PPP2R1A: variants seen among roughly 807,000 people sequenced by gnomAD.
PPP2R1A encodes the protein serine/threonine-protein phosphatase 2A 65 kDa regulatory subunit A alpha isoform.
Under a neutral mutation model 67.1 loss-of-function variants are expected in PPP2R1A, and 15 were observed. That is an observed-to-expected ratio of 0.22 (90% CI 0.15 to 0.34). The LOEUF (loss-of-function observed/expected upper bound fraction) is 0.34. Ranked by LOEUF, PPP2R1A falls within the 10% of genes least tolerant of loss-of-function variation. The pLI is 1.00. For missense variants in PPP2R1A, 369 were observed against 775.0 expected (o/e 0.48, Z 6.22); for synonymous variants, 337 against 325.0 (o/e 1.04, Z -0.40).
intron 1 of PPP2R1A, among the ~76,000 whole-genome samples, chr19:52,200,018 G>A (rs1276908605): frequency 6.6e-6 from 1 of 152,198 alleles, no homozygotes; most frequent in Non-Finnish European, 1.5e-5. Context: ...TGATCGCAGA[G>A]ATATTCTTCA....
chr19:52,215,925 G>C, intron 7 of PPP2R1A, 32 bp downstream of exon 7: 1 of 1,612,380 alleles, frequency 6.2e-7, no homozygotes, highest in Admixed American at 1.7e-5. Context: ...ACAGCAAGTG[G>C]GGTGGGTATC....
intron 6 of PPP2R1A, among the ~76,000 whole-genome samples, chr19:52,214,610 C>T (rs1273044424): frequency 6.6e-6 from 1 of 152,138 alleles, no homozygotes; most frequent in East Asian, 1.9e-4. Context: ...TTGTTCATTC[C>T]CGTCTTCATA....
In PPP2R1A at chr19:52,213,637, G is replaced by A. The variant is rs1250807706; in HGVS notation, c.807+527G>A. On this transcript the variant is annotated intron_variant, in intron 6 of 14. Coordinates refer to ENST00000322088, the MANE Select transcript of PPP2R1A (RefSeq NM_014225.6). This position sits in a 1 kb window ranked among gnomAD's most constrained non-coding sequence, Gnocchi z 4.2. ...GACTGGGATTACAGATGCCCACCAC[G>A]ACACCCGGCTAGTTTTTGTATTTTT... 1.3e-5 allele frequency among the ~76,000 whole-genome samples: 2 copies of A among 151,456 alleles called. No individual in the cohort carries two copies. Among genetic ancestry groups the A allele is most frequent in the Admixed American group, 6.6e-5 (1 of 15,140 alleles).
rs1260489785 is a variant in PPP2R1A at position 52,227,908 on chromosome 19, A to G, written c.*1927A>G. 1.3e-5 allele frequency: 2 copies of G among 152,176 alleles called. No homozygotes were observed. Among genetic ancestry groups the G allele is most frequent in the Non-Finnish European group, 1.5e-5 (1 of 68,030 alleles). 9.4% of individuals were successfully genotyped at this position (152,176 alleles called of 1,614,324 possible). On this transcript the variant is annotated 3_prime_UTR_variant, in exon 15 of 15. Transcript: ENST00000322088. ...AGTGCAGTGGACCAGCAGCCTTTGC[A>G]TTCTCAGGAGCTTGTTAGAAATGCA...
At chr19:52,203,033 A>T (rs10426412) in intron 2 of PPP2R1A, among the ~76,000 whole-genome samples, 2,151 of 152,316 alleles carry the variant, frequency 0.014, 52 homozygotes, top group African/African-American at 0.05. Flanking sequence ...CATATTTTAT[A>T]CTTATTACCA....
Position 52,202,947 on chromosome 19 carries a change from T to C in PPP2R1A, c.169+913T>C, listed in dbSNP as rs151253005. Among the ~76,000 whole-genome samples, 231 of 152,368 alleles carry C rather than the reference T, an allele frequency of 1.5e-3. 2 individuals are homozygous for C. Among genetic ancestry groups the C allele is most frequent in the African/African-American group, 5.3e-3 (220 of 41,580 alleles). ...TGTTTGTGAGGATGTAGGTAAAGCA[T>C]TTAATACACTGTCTGACACAGACTG... On this transcript the variant is annotated intron_variant, in intron 2 of 14. Transcript: ENST00000322088.
chr19:52,209,363 T>G (rs1600165771), intron 3 of PPP2R1A, among the ~76,000 whole-genome samples: 1 of 152,316 alleles, frequency 6.6e-6, no homozygotes, highest in South Asian at 2.1e-4. Flanking sequence ...ACTCCCATGA[T>G]ACTGTCCTGA....
Position 52,190,159 on chromosome 19 carries a change from C to T in PPP2R1A, c.63C>T (p.Arg21=), listed in dbSNP as rs748072590. 1 of 1,550,964 alleles carries T rather than the reference C, an allele frequency of 6.4e-7. No homozygotes were observed. The highest frequency in any genetic ancestry group is 1.4e-5 in the African/African-American group (1 of 73,104). Reference sequence around the variant, plus strand: ...TCGCGGTGCTCATAGACGAACTCCGCAATGAGGACGTTCAGGTCCGGAGGC... The same window carrying T: ...TCGCGGTGCTCATAGACGAACTCCGTAATGAGGACGTTCAGGTCCGGAGGC... ...YPIAVLIDEL[R]NEDVQLRLNS... The change falls in exon 1 of 15, where the codon CGC becomes CGT. Residue 21 remains arginine (R), a synonymous_variant. Coordinates refer to ENST00000322088, the MANE Select transcript of PPP2R1A (RefSeq NM_014225.6).
chr19:52,202,051 C>T lies in PPP2R1A; in HGVS notation c.169+17C>T, dbSNP rs1421549263. 1.9e-6 allele frequency: 3 copies of T among 1,608,134 alleles called. No individual in the cohort carries two copies. In the Admixed American group the frequency reaches 5.0e-5, roughly 27 times the overall value. ...TCCTTACAGGTAACAAAGGGGACCCCTGGGGCCCAGATGTGGGGACTCTTG... is the reference window on the plus strand; with the variant it reads ...TCCTTACAGGTAACAAAGGGGACCCTTGGGGCCCAGATGTGGGGACTCTTG... On this transcript the variant is annotated intron_variant, in intron 2 of 14. Coordinates refer to ENST00000322088, the MANE Select transcript of PPP2R1A (RefSeq NM_014225.6).
Position 52,226,416 on chromosome 19 carries a change from G to A in PPP2R1A, c.*435G>A, listed in dbSNP as rs1568601420. On this transcript the variant is annotated 3_prime_UTR_variant, in exon 15 of 15. Transcript: ENST00000322088. The stretch of plus-strand genomic sequence containing the variant: ...TTCACAGAGAAATAAAGGTCTAGAA[G>A]TAGTTGGTCCTCTGGCCTTAGTCAT... The A allele has an allele frequency of 1.4e-5, 4 of 277,868 alleles. No individual in the cohort carries two copies. Among genetic ancestry groups the A allele is most frequent in the Non-Finnish European group, 2.1e-5 (3 of 146,144 alleles). The allele number at this position is 277,868 out of a possible 1,614,324, so 17.2% of individuals were successfully genotyped here.
chr19:52,195,825 T>C (rs576944309), intron 1 of PPP2R1A, among the ~76,000 whole-genome samples: 1 of 152,290 alleles, frequency 6.6e-6, no homozygotes, highest in East Asian at 1.9e-4. Context: ...TGTTCGGCTA[T>C]GTTGAAGTTC....
intron 3 of PPP2R1A, 28 bp downstream of exon 3, chr19:52,206,091 C>T (rs375909753): frequency 4.2e-5 from 67 of 1,597,354 alleles, no homozygotes; most frequent in Non-Finnish European, 5.1e-5. Flanking sequence ...AGTCCTCTTG[C>T]CCACCCCTTA....
Position 52,216,511 on chromosome 19 carries a change from G to C in PPP2R1A, c.994-18G>C, listed in dbSNP as rs1180531587. ...AGGGGTTGCACTGACCCCTGTGCCT[G>C]CCTCTTCTCTCTCCCAGGAGCTGGT... On this transcript the variant is annotated intron_variant, in intron 8 of 14. Coordinates refer to ENST00000322088, the MANE Select transcript of PPP2R1A (RefSeq NM_014225.6). The surrounding 1 kb of genome is among the most constrained non-coding windows in gnomAD (Gnocchi z 4.3). The C allele has an allele frequency of 6.2e-7, 1 of 1,614,080 alleles. No individual in the cohort carries two copies. The highest frequency in any genetic ancestry group is 1.7e-5 in the Admixed American group (1 of 60,026).
intron 1 of PPP2R1A, among the ~76,000 whole-genome samples, chr19:52,190,581 G>C (rs2089444561): frequency 6.6e-6 from 1 of 152,224 alleles, no homozygotes; most frequent in Non-Finnish European, 1.5e-5. Context: ...GGTGGGTCGG[G>C]ACCTGGGAAG....
Position 52,211,281 on chromosome 19 carries a change from A to G in PPP2R1A, c.292A>G (p.Thr98Ala). 6.2e-7 allele frequency: 1 copy of G among 1,612,824 alleles called. No homozygotes were observed. The highest frequency in any genetic ancestry group is 8.5e-7 in the Non-Finnish European group (1 of 1,179,888). Residue 98 changes from threonine to alanine, a missense_variant, in exon 4 of 15, where the codon ACA becomes GCA. This residue lies in a region of PPP2R1A where 93 missense variants were observed against 266.5 expected (regional missense o/e 0.35). Coordinates refer to ENST00000322088, the MANE Select transcript of PPP2R1A (RefSeq NM_014225.6). The surrounding 1 kb of genome is among the most constrained non-coding windows in gnomAD (Gnocchi z 5.3). ...CLLPPLESLA[T>A]VEETVVRDKA... ...ACAGCCACCGCTGGAGTCGCTGGCC[A>G]CAGTGGAGGAGACAGTGGTGCGGGA...
rs546209741 is a variant in PPP2R1A at position 52,219,942 on chromosome 19, G to A, written c.1302+78G>A. 4.0e-6 allele frequency: 6 copies of A among 1,498,948 alleles called. No homozygotes were observed. Among genetic ancestry groups the A allele is most frequent in the African/African-American group, 2.8e-5 (2 of 72,432 alleles). 92.9% of individuals were successfully genotyped at this position (1,498,948 alleles called of 1,614,324 possible). ...ATGTCCAGGGCTGTGATGGGGAAAC[G>A]GGGCTTTGAAGGCTTAGTGGAGGCT... On this transcript the variant is annotated intron_variant, in intron 10 of 14. Transcript: ENST00000322088. This position sits in a 1 kb window ranked among gnomAD's most constrained non-coding sequence, Gnocchi z 4.0.
chr19:52,223,089 G>A (rs1015425783), intron 13 of PPP2R1A, among the ~76,000 whole-genome samples: 8 of 152,150 alleles, frequency 5.3e-5, no homozygotes, highest in African/African-American at 1.4e-4. Flanking sequence ...TATTTAAATC[G>A]CCCAATAGAA....
intron 1 of PPP2R1A, among the ~76,000 whole-genome samples, chr19:52,198,018 A>G (rs1464260474): frequency 3.3e-5 from 5 of 152,228 alleles, no homozygotes; most frequent in African/African-American, 1.2e-4. Context: ...CAAAATCAGG[A>G]TGCTGTCAGT....
At chr19:52,223,552 A>G (rs1251778164) in intron 13 of PPP2R1A, among the ~76,000 whole-genome samples, 1 of 152,224 alleles carries the variant, frequency 6.6e-6, no homozygotes, top group Non-Finnish European at 1.5e-5. Context: ...GATGGGGAAA[A>G]AGACTTGAAT....
Sources: allele counts gnomAD v4.1 joint callset (sites outside exome capture counted in the v4.1 genomes callset), GRCh38; gene constraint gnomAD v4.1.1; regional missense constraint gnomAD v4.1.1; non-coding constraint Gnocchi (gnomAD v3.1); transcripts MANE v1.5; gene names NCBI Gene and HGNC (gene_info 2026-07-23, HGNC 2026-07-21).